Variants in CCDC122 observed in about 807,000 individuals in gnomAD.
CCDC122 encodes the protein coiled-coil domain-containing protein 122.
CCDC122 carries 38 observed loss-of-function variants against 37.0 expected under a neutral mutation model. The ratio of observed to expected loss-of-function variants is 1.03; its 90% CI spans 0.79 to 1.35. CCDC122 has a LOEUF of 1.35. Ranked by LOEUF, CCDC122 falls within the 40% of genes most tolerant of loss-of-function variation. The pLI, the probability that CCDC122 is intolerant of heterozygous loss-of-function variation, is 0.00. For missense variants in CCDC122, 305 were observed against 310.0 expected (o/e 0.98, Z 0.12); for synonymous variants, 83 against 95.6 (o/e 0.87, Z 0.77).
chr13:43,857,449 A>AGT (rs60383575), intron 6 of CCDC122, among the ~76,000 whole-genome samples: 1,730 of 149,700 alleles, frequency 0.012, 23 homozygotes, highest in African/African-American at 0.037. Context: ...AATACTTAGA[A>AGT]GTGTGTGTGT....
intron 6 of CCDC122, chr13:43,848,901 C>G: frequency 4.1e-6 from 4 of 980,824 alleles, no homozygotes; most frequent in Non-Finnish European, 4.8e-6. Flanking sequence ...AAAAAGACTC[C>G]AAAAAGAAGT....
intron 3 of CCDC122, among the ~76,000 whole-genome samples, chr13:43,830,277 G>C (rs186232855): frequency 6.6e-6 from 1 of 152,272 alleles, no homozygotes; most frequent in East Asian, 1.9e-4. Context: ...AAGTGGAACC[G>C]ATCTTGGGTA....
chr13:43,851,510 C>T (rs1953728371), intron 6 of CCDC122, among the ~76,000 whole-genome samples: 1 of 152,074 alleles, frequency 6.6e-6, no homozygotes, highest in Non-Finnish European at 1.5e-5. Context: ...CAGCAGGGAC[C>T]CCCTGTCTCC....
chr13:43,864,657 T>C (rs1954216545), intron 4 of CCDC122, among the ~76,000 whole-genome samples: 1 of 152,164 alleles, frequency 6.6e-6, no homozygotes. Flanking sequence ...TCTGCCTCCA[T>C]GACCCAAACA....
At position 43,870,344 on chromosome 13, in the gene CCDC122, T is replaced by G. The variant is rs185041996; in HGVS notation, c.-113-855A>C. ...TGCTGAGCTATTCACTCCGTTCATG[T>G]TACATCCTTTCTGCTCAACACACAG... On this transcript the variant is annotated intron_variant, in intron 2 of 6. Coordinates refer to ENST00000444614, the MANE Select transcript of CCDC122 (RefSeq NM_144974.5). 3.9e-3 allele frequency among the ~76,000 whole-genome samples: 589 copies of G among 152,242 alleles called. 7 individuals carry two copies. Among genetic ancestry groups the G allele is most frequent in the African/African-American group, 0.013 (558 of 41,552 alleles).
chr13:43,846,863 G>A (rs1211036169), intron 6 of CCDC122, among the ~76,000 whole-genome samples: 4 of 136,982 alleles, frequency 2.9e-5, no homozygotes, highest in East Asian at 2.4e-4. Context: ...TCATGAAGGA[G>A]TAAGAATCCA....
chr13:43,857,449 AGTGTGT>A (rs60383575), intron 6 of CCDC122, among the ~76,000 whole-genome samples: 9,025 of 149,592 alleles, frequency 0.06, 395 homozygotes, highest in East Asian at 0.19. Context: ...AATACTTAGA[AGTGTGT>A]GTGTGTGTGT....
chr13:43,847,407 T>C (rs1264292961), intron 6 of CCDC122, among the ~76,000 whole-genome samples: 1 of 152,154 alleles, frequency 6.6e-6, no homozygotes, highest in Non-Finnish European at 1.5e-5. Context: ...TAATCTTTTT[T>C]AAGGAGAATG....
chr13:43,830,033 G>C (rs1482744016), intron 3 of CCDC122, among the ~76,000 whole-genome samples: 1 of 151,742 alleles, frequency 6.6e-6, no homozygotes, highest in African/African-American at 2.4e-5. Flanking sequence ...GCATCACCAC[G>C]CCCAGCTAAT....
At chr13:43,849,615 T>A (rs990445524) in intron 6 of CCDC122, among the ~76,000 whole-genome samples, 1 of 151,950 alleles carries the variant, frequency 6.6e-6, no homozygotes, top group Non-Finnish European at 1.5e-5. Context: ...CTAAGAAAAA[T>A]TTGTTCTATC....
chr13:43,849,727 C>T (rs1953661898), intron 6 of CCDC122, among the ~76,000 whole-genome samples: 1 of 152,184 alleles, frequency 6.6e-6, no homozygotes, highest in Non-Finnish European at 1.5e-5. Context: ...TATGGCCCCT[C>T]CAACACTCAT....
downstream of CCDC122, among the ~76,000 whole-genome samples, chr13:43,835,782 C>T (rs896367639): frequency 2.0e-5 from 3 of 152,130 alleles, no homozygotes; most frequent in African/African-American, 4.8e-5. Context: ...TTTTAATATG[C>T]AAGTTACATT....
Position 43,859,744 on chromosome 13 carries a change from T to C in CCDC122, c.483A>G (p.Lys161=). Residue 161 remains lysine, a synonymous_variant, in exon 5 of 7, where the codon AAA becomes AAG. Coordinates refer to ENST00000444614, the MANE Select transcript of CCDC122 (RefSeq NM_144974.5). The part of the protein sequence containing the change: ...ELHEKRDFVK[K]LKTMKEELMQ... ...TAAGTTCTTCTTTCATTGTCTTTAA[T>C]TTTTTAACAAAATCTCGCTTTTCAT... The C allele has an allele frequency of 6.3e-7, 1 of 1,598,626 alleles. No homozygotes were observed. The highest frequency in any genetic ancestry group is 8.5e-7 in the Non-Finnish European group (1 of 1,175,694).
At chr13:43,868,614 A>C (rs1296375762) in intron 4 of CCDC122, 80 bp downstream of exon 4, 8 of 700,732 alleles carry the variant, frequency 1.1e-5, no homozygotes, top group East Asian at 6.3e-5. Flanking sequence ...GACTCCCAAT[A>C]ATAAGTATTT....
chr13:43,858,898 C>A lies in CCDC122; in HGVS notation c.556-1G>T. 7.2e-7 allele frequency: 1 copy of A among 1,390,838 alleles called. No individual in the cohort carries two copies. The highest frequency in any genetic ancestry group is 2.6e-5 in the East Asian group (1 of 37,926). 86.2% of individuals were successfully genotyped at this position (1,390,838 alleles called of 1,614,324 possible). On this transcript the variant is annotated splice_acceptor_variant, in intron 5 of 6. Coordinates refer to ENST00000444614, the MANE Select transcript of CCDC122 (RefSeq NM_144974.5). LOFTEE classifies it high-confidence loss of function. The stretch of plus-strand genomic sequence containing the variant: ...TATCCTTTAAGTTTGTAATGTCTTC[C>A]TGTATGTTGACAACATTTGAAATAT...
chr13:43,864,435 G>C (rs1050067698), intron 4 of CCDC122, among the ~76,000 whole-genome samples: 2 of 152,102 alleles, frequency 1.3e-5, no homozygotes. Context: ...TTCAAGACTG[G>C]GCATCTACAT....
intron 4 of CCDC122, among the ~76,000 whole-genome samples, chr13:43,861,182 C>T (rs1051952775): frequency 1.3e-5 from 2 of 152,128 alleles, no homozygotes; most frequent in South Asian, 4.1e-4. Context: ...GTATCTTCTC[C>T]TCCAATGGGC....
chr13:43,837,473 A>C (rs1479868742), intron 6 of CCDC122, 44 bp from the exon 7 acceptor site: 1 of 1,544,980 alleles, frequency 6.5e-7, no homozygotes, highest in Non-Finnish European at 8.8e-7. Flanking sequence ...GTGAAGTATA[A>C]ATAGTAAACA....
intron 3 of CCDC122, among the ~76,000 whole-genome samples, chr13:43,829,843 A>C (rs1021014666): frequency 1.3e-5 from 2 of 152,104 alleles, no homozygotes; most frequent in South Asian, 4.1e-4. Context: ...AAAATGTTCT[A>C]AACTTTTAAA....
Sources: gnomAD v4.1 joint callset for allele counts (sites outside exome capture counted in the v4.1 genomes callset) on GRCh38, gnomAD v4.1.1 for gene constraint, MANE v1.5 for transcripts, NCBI Gene and HGNC (gene_info 2026-07-23, HGNC 2026-07-21) for gene names.